The following MAPKAPK2 variants were observed in gnomAD, a reference collection of about 807,000 sequenced individuals.
MAPKAPK2 encodes MAP kinase-activated protein kinase 2.
MAPKAPK2 carries 9 observed loss-of-function variants against 48.8 expected under a neutral mutation model. The ratio of observed to expected loss-of-function variants is 0.18; its 90% CI spans 0.11 to 0.32. MAPKAPK2 has a LOEUF of 0.32. MAPKAPK2 is among the 10% of genes least tolerant of loss of function. The pLI, the probability that MAPKAPK2 is intolerant of heterozygous loss-of-function variation, is 1.00. For synonymous variants in MAPKAPK2, 202 were observed against 190.6 expected (o/e 1.06, Z -0.49); for missense variants, 331 against 498.3 (o/e 0.66, Z 3.20).
At chr1:206,724,927 G>A (rs545938059) in intron 1 of MAPKAPK2, among the ~76,000 whole-genome samples, 1 of 152,298 alleles carries the variant, frequency 6.6e-6, no homozygotes, top group African/African-American at 2.4e-5. Flanking sequence ...ACCCTATATA[G>A]AGTTTCTGAA....
intron 1 of MAPKAPK2, chr1:206,695,864 G>T: frequency 3.7e-6 from 2 of 540,560 alleles, no homozygotes; most frequent in East Asian, 3.5e-5. Flanking sequence ...TCCTGCGGGT[G>T]CTGTCAGAGG....
chr1:206,694,691 GAC>G (rs1381862972), intron 1 of MAPKAPK2, among the ~76,000 whole-genome samples: 3 of 152,192 alleles, frequency 2.0e-5, no homozygotes, highest in African/African-American at 7.2e-5. Flanking sequence ...GAGAGCCCTG[GAC>G]ACTAAAGGCC....
chr1:206,699,996 CT>C (rs1672747845), intron 1 of MAPKAPK2, among the ~76,000 whole-genome samples: 1 of 145,230 alleles, frequency 6.9e-6, no homozygotes, highest in Admixed American at 6.8e-5. Context: ...TTTCTTTCTT[CT>C]TCTTACTTTT....
At position 206,722,693 on chromosome 1, in the gene MAPKAPK2, G is replaced by T. The variant is rs558455853; in HGVS notation, c.280-6017G>T. Reference sequence around the variant, plus strand: ...CAGTTCAAACCTGGGTTGTTCAAGGGCCAACAGTACTTAGCAGCCATTTAG... The same window carrying T: ...CAGTTCAAACCTGGGTTGTTCAAGGTCCAACAGTACTTAGCAGCCATTTAG... On this transcript the variant is annotated intron_variant, in intron 1 of 9. Transcript: ENST00000367103. 1.9e-4 allele frequency among the ~76,000 whole-genome samples: 29 copies of T among 152,298 alleles called. No individual in the cohort carries two copies. The South Asian group carries it at 6.0e-3, about 32-fold the overall frequency.
intron 1 of MAPKAPK2, among the ~76,000 whole-genome samples, chr1:206,718,759 G>GT (rs747792314): frequency 3.7e-4 from 56 of 152,114 alleles, no homozygotes; most frequent in African/African-American, 1.1e-3. Context: ...GTTATTACCA[G>GT]TTTTTTTGCC....
chr1:206,690,270 C>A (rs532684490), intron 1 of MAPKAPK2, among the ~76,000 whole-genome samples: 79 of 152,318 alleles, frequency 5.2e-4, no homozygotes, highest in African/African-American at 1.8e-3. Context: ...GTAGCCCTGA[C>A]CCCAGCCCTG....
intron 1 of MAPKAPK2, among the ~76,000 whole-genome samples, chr1:206,718,346 A>G (rs2102404302): frequency 6.6e-6 from 1 of 152,232 alleles, no homozygotes; most frequent in South Asian, 2.1e-4. Flanking sequence ...CCTGAATAAC[A>G]TGGTGAAACC....
In MAPKAPK2 at chr1:206,729,070, A is replaced by C. The variant is rs1376132455; in HGVS notation, c.455A>C (p.Asp152Ala). The change falls in exon 3 of 10, where the codon GAT (aspartate) becomes GCT (alanine). Residue 152 changes from aspartate to alanine, a missense_variant. Around this residue, in one of 4 missense-constraint regions of MAPKAPK2, gnomAD observed 111 missense variants for 193.6 expected, o/e 0.57. Transcript: ENST00000367103. ...GGAGAACTCTTTAGCCGAATCCAGGATCGAGGAGACCAGGCATTCACAGAA... is the reference window on the plus strand; with the variant it reads ...GGAGAACTCTTTAGCCGAATCCAGGCTCGAGGAGACCAGGCATTCACAGAA... Reference protein sequence around the residue: ...DGGELFSRIQDRGDQAFTERE... With the variant: ...DGGELFSRIQARGDQAFTERE... 6.2e-7 allele frequency: 1 copy of C among 1,614,098 alleles called. No homozygotes were observed. Among genetic ancestry groups the C allele is most frequent in the Non-Finnish European group, 8.5e-7 (1 of 1,180,048 alleles).
chr1:206,712,593 A>C (rs1673190803), intron 1 of MAPKAPK2, among the ~76,000 whole-genome samples: 1 of 152,096 alleles, frequency 6.6e-6, no homozygotes, highest in African/African-American at 2.4e-5. Flanking sequence ...TTGTTTTCTT[A>C]GGGGGTGTCA....
At chr1:206,726,228 T>C (rs1216597052) in intron 1 of MAPKAPK2, among the ~76,000 whole-genome samples, 2 of 152,060 alleles carry the variant, frequency 1.3e-5, no homozygotes, top group Admixed American at 6.5e-5. Flanking sequence ...CTACTAAAAA[T>C]ACCAAAAAAT....
chr1:206,723,582 A>G (rs1429796979), intron 1 of MAPKAPK2, among the ~76,000 whole-genome samples: 2 of 152,028 alleles, frequency 1.3e-5, no homozygotes, highest in Non-Finnish European at 2.9e-5. Context: ...CTTCATGTCC[A>G]CCTTGCTGAC....
At chr1:206,703,910 T>A (rs1672873445) in intron 1 of MAPKAPK2, among the ~76,000 whole-genome samples, 1 of 152,192 alleles carries the variant, frequency 6.6e-6, no homozygotes, top group African/African-American at 2.4e-5. Flanking sequence ...GGCAGAGGCT[T>A]CTTGTGAGGG....
chr1:206,690,769 C>T (rs572945754), intron 1 of MAPKAPK2, among the ~76,000 whole-genome samples: 2 of 152,310 alleles, frequency 1.3e-5, no homozygotes, highest in Admixed American at 1.3e-4. Context: ...GAGCAGGGCA[C>T]AGTCGTCTGC....
At position 206,685,202 on chromosome 1, in the gene MAPKAPK2, C is replaced by G. The variant is rs1412904675; in HGVS notation, c.-28C>G. ...AGGAGGGGGCGGCCGCGGGCACCCC[C>G]GCCTGTGCCCCGGCGTCCCCGGGCA... On this transcript the variant is annotated 5_prime_UTR_variant, in exon 1 of 10. Coordinates refer to ENST00000367103, the MANE Select transcript of MAPKAPK2 (RefSeq NM_032960.4). 3.0e-6 allele frequency: 1 copy of G among 338,562 alleles called. No homozygotes were observed. The highest frequency in any genetic ancestry group is 5.1e-6 in the Non-Finnish European group (1 of 195,158). 21.0% of individuals were successfully genotyped at this position (338,562 alleles called of 1,614,324 possible).
At chr1:206,694,641 G>A (rs551765355) in intron 1 of MAPKAPK2, among the ~76,000 whole-genome samples, 1 of 152,334 alleles carries the variant, frequency 6.6e-6, no homozygotes, top group African/African-American at 2.4e-5. Flanking sequence ...CAGGTTGCTC[G>A]TCATGCTTGG....
At chr1:206,722,780 C>A (rs1673565894) in intron 1 of MAPKAPK2, among the ~76,000 whole-genome samples, 1 of 152,266 alleles carries the variant, frequency 6.6e-6, no homozygotes. Flanking sequence ...TAAGAGGTTG[C>A]TGAGGCTCAC....
At chr1:206,726,854 T>A (rs1553431889) in intron 1 of MAPKAPK2, among the ~76,000 whole-genome samples, 1 of 152,192 alleles carries the variant, frequency 6.6e-6, no homozygotes, top group African/African-American at 2.4e-5. Context: ...AAATGCTCAT[T>A]TGTCCTTCCC....
intron 1 of MAPKAPK2, among the ~76,000 whole-genome samples, chr1:206,702,376 A>G (rs1672824501): frequency 6.6e-6 from 1 of 152,186 alleles, no homozygotes; most frequent in Non-Finnish European, 1.5e-5. Context: ...TGATCTGCCA[A>G]GGGCTCTAGG....
At chr1:206,715,629 C>CTTTTT (rs11349381) in intron 1 of MAPKAPK2, among the ~76,000 whole-genome samples, 12 of 131,564 alleles carry the variant, frequency 9.1e-5, no homozygotes, top group African/African-American at 1.1e-4. Context: ...TTCTTTCTTT[C>CTTTTT]TTTTTTTTTT....
Sources: allele counts gnomAD v4.1 joint callset (sites outside exome capture counted in the v4.1 genomes callset), GRCh38; gene constraint gnomAD v4.1.1; regional missense constraint gnomAD v4.1.1; transcripts MANE v1.5; gene names NCBI Gene and HGNC (gene_info 2026-07-23, HGNC 2026-07-21).